The following LMO7 variants were observed in gnomAD, a reference collection of about 807,000 sequenced individuals.
LMO7 encodes the protein LIM domain only protein 7.
In LMO7, 120 loss-of-function variants were observed where a neutral mutation model predicts 206.5. The ratio of observed to expected loss-of-function variants is 0.58; its 90% CI spans 0.50 to 0.68. The LOEUF (loss-of-function observed/expected upper bound fraction) is 0.68. LMO7 is among the 30% of genes least tolerant of loss of function. LMO7 has a pLI of 0.00. For synonymous variants in LMO7, 706 were observed against 681.5 expected (o/e 1.04, Z -0.56); for missense variants, 1,959 against 1,957.9 (o/e 1.00, Z -0.01).
intron 2 of LMO7, among the ~76,000 whole-genome samples, chr13:75,624,447 T>A (rs2033759443): frequency 6.6e-6 from 1 of 152,178 alleles, no homozygotes. Context: ...CCCCCTTACT[T>A]TAAGAATATT....
chr13:75,636,497 C>T lies in LMO7; in HGVS notation c.-161C>T. The T allele has an allele frequency of 2.0e-6, 3 of 1,477,140 alleles. No homozygotes were observed. The East Asian group carries it at 7.4e-5, about 37-fold the overall frequency. 91.5% of individuals were successfully genotyped at this position (1,477,140 alleles called of 1,614,324 possible). A position where few individuals can be genotyped will look rare whatever the true frequency, so the allele number is the denominator to read the frequency against. ...TTCGAGACCTTAACGAACTGCAGAG[C>T]GCAACAAAGGGAACTAGAGCCCCGG... On this transcript the variant is annotated 5_prime_UTR_variant, in exon 1 of 31. Coordinates refer to ENST00000377534, the MANE Select transcript of LMO7 (RefSeq NM_001306080.2).
intron 2 of LMO7, among the ~76,000 whole-genome samples, chr13:75,716,202 T>G (rs928970584): frequency 2.0e-5 from 3 of 152,220 alleles, no homozygotes; most frequent in African/African-American, 7.2e-5. Flanking sequence ...TCTTTCCTTT[T>G]GAACTGGTGT....
At chr13:75,808,333 A>C in intron 10 of LMO7, 134 bp downstream of exon 10, 1 of 1,066,842 alleles carries the variant, frequency 9.4e-7, no homozygotes, top group Non-Finnish European at 1.3e-6. Flanking sequence ...CGTAAAATTT[A>C]ATTTGCTTTG....
chr13:75,836,507 C>A lies in LMO7; in HGVS notation c.3394+50C>A, dbSNP rs753046404. On this transcript the variant is annotated intron_variant, in intron 19 of 30. Coordinates refer to ENST00000377534, the MANE Select transcript of LMO7 (RefSeq NM_001306080.2). ...ATTTATAATACAGGAAAAGACATAGCACTCAAGTTCTGCTGTTATAAAAAT... is the reference window on the plus strand; with the variant it reads ...ATTTATAATACAGGAAAAGACATAGAACTCAAGTTCTGCTGTTATAAAAAT... 12 of 916,528 alleles carry A rather than the reference C, an allele frequency of 1.3e-5. No homozygotes were observed. The South Asian group carries it at 1.9e-4, about 15-fold the overall frequency. The allele number at this position is 916,528 out of a possible 1,614,324, so 56.8% of individuals were successfully genotyped here.
chr13:75,845,172 A>G (rs942558234), intron 25 of LMO7, among the ~76,000 whole-genome samples, 155 bp from the exon 26 acceptor site: 4 of 152,230 alleles, frequency 2.6e-5, no homozygotes, highest in Non-Finnish European at 5.9e-5. Context: ...TTTGTGAAAG[A>G]TGAAAAATTT....
chr13:75,761,337 G>A (rs192194510), intron 4 of LMO7, among the ~76,000 whole-genome samples: 8 of 152,116 alleles, frequency 5.3e-5, no homozygotes, highest in Non-Finnish European at 7.4e-5. Flanking sequence ...CTAATGTTGA[G>A]GATACTCATA....
chr13:75,636,944 C>T (rs995183190), intron 1 of LMO7, among the ~76,000 whole-genome samples: 3 of 152,174 alleles, frequency 2.0e-5, no homozygotes, highest in Non-Finnish European at 4.4e-5. Flanking sequence ...CTAACCCCCG[C>T]CCCCCGACGG....
chr13:75,777,367 A>G (rs971457156), intron 4 of LMO7, among the ~76,000 whole-genome samples: 1 of 152,234 alleles, frequency 6.6e-6, no homozygotes, highest in Non-Finnish European at 1.5e-5. Flanking sequence ...TTAAGAATAT[A>G]AAGAAGAAAG....
chr13:75,835,007 C>T lies in LMO7; in HGVS notation c.3227-226C>T, dbSNP rs190814944. 58 of 467,470 alleles carry T rather than the reference C, an allele frequency of 1.2e-4. No individual in the cohort carries two copies. The East Asian group carries it at 2.0e-3, about 16-fold the overall frequency. 29.0% of individuals were successfully genotyped at this position (467,470 alleles called of 1,614,324 possible). A position where few individuals can be genotyped will look rare whatever the true frequency, so the allele number is the denominator to read the frequency against. On this transcript the variant is annotated intron_variant, in intron 17 of 30. Transcript: ENST00000377534. ...GAAGGTGGTCTGTTGGTAAAAAGCCCTAAACTCTTGATTTATTTCACACGC... is the reference window on the plus strand; with the variant it reads ...GAAGGTGGTCTGTTGGTAAAAAGCCTTAAACTCTTGATTTATTTCACACGC...
intron 2 of LMO7, among the ~76,000 whole-genome samples, chr13:75,723,776 A>T (rs1041817477): frequency 2.6e-5 from 4 of 152,284 alleles, no homozygotes; most frequent in South Asian, 2.1e-4. Flanking sequence ...GAAGAAAAGG[A>T]AGGAGGCAAC....
At chr13:75,813,089 A>G (rs2056597580) in intron 11 of LMO7, among the ~76,000 whole-genome samples, 1 of 152,206 alleles carries the variant, frequency 6.6e-6, no homozygotes, top group East Asian at 1.9e-4. Flanking sequence ...CTCTGAGATA[A>G]TTCACGTAGA....
chr13:75,652,615 G>A (rs1711814140), intron 1 of LMO7, among the ~76,000 whole-genome samples: 2 of 17,494 alleles, frequency 1.1e-4, no homozygotes, highest in South Asian at 1.8e-3. Context: ...CACAAGTTCA[G>A]TGTGTGTGTG....
intron 4 of LMO7, among the ~76,000 whole-genome samples, chr13:75,782,038 G>C (rs539980502): frequency 6.6e-6 from 1 of 152,276 alleles, no homozygotes; most frequent in African/African-American, 2.4e-5. Flanking sequence ...CCCTTTGTCA[G>C]ATGAGTAGGT....
intron 4 of LMO7, among the ~76,000 whole-genome samples, chr13:75,788,665 T>C (rs528360256): frequency 8.5e-5 from 13 of 152,096 alleles, no homozygotes; most frequent in Non-Finnish European, 1.9e-4. Flanking sequence ...TTTTTTAAAG[T>C]TGTGAACAGG....
chr13:75,633,537 G>A (rs1380101665), upstream of LMO7, among the ~76,000 whole-genome samples: 7 of 152,260 alleles, frequency 4.6e-5, no homozygotes, highest in African/African-American at 1.7e-4. Context: ...AGAGAAATAT[G>A]TTGAAGACAC....
At chr13:75,737,777 T>TGAAATAA (rs1555305719) in intron 3 of LMO7, among the ~76,000 whole-genome samples, 17 of 22,706 alleles carry the variant, frequency 7.5e-4, no homozygotes, top group Admixed American at 8.8e-4. Flanking sequence ...TAAAATAAAA[T>TGAAATAA]AAAATAAAAA....
intron 12 of LMO7, among the ~76,000 whole-genome samples, chr13:75,817,925 T>C (rs2057209987): frequency 6.6e-6 from 1 of 152,030 alleles, no homozygotes; most frequent in Admixed American, 6.6e-5. Context: ...ACTGAAGAAA[T>C]GCAAAGAAAT....
rs9544053 is a variant in LMO7 at position 75,853,716 on chromosome 13, A to T, written c.4661+328A>T. Among the ~76,000 whole-genome samples the T allele has an allele frequency of 2.0e-5, 3 of 152,118 alleles. No homozygotes were observed. In the East Asian group the frequency reaches 5.8e-4, roughly 29 times the overall value. On this transcript the variant is annotated intron_variant, in intron 28 of 30. Transcript: ENST00000377534. ...TCTCAGTGTGGAATCATGAAAACAT[A>T]TAGCAGCTCACGAATGCTTCTCAAA...
At chr13:75,771,876 T>C (rs997578436) in intron 4 of LMO7, among the ~76,000 whole-genome samples, 1 of 151,898 alleles carries the variant, frequency 6.6e-6, no homozygotes, top group Non-Finnish European at 1.5e-5. Context: ...TCTATTCTAT[T>C]GGATTAAAGA....
Sources: allele counts gnomAD v4.1 joint callset (sites outside exome capture counted in the v4.1 genomes callset), GRCh38; gene constraint gnomAD v4.1.1; transcripts MANE v1.5; gene names NCBI Gene and HGNC (gene_info 2026-07-23, HGNC 2026-07-21).